The following RASGRP3 variants were observed in gnomAD, a reference collection of about 807,000 sequenced individuals.
The protein encoded by RASGRP3 is ras guanyl-releasing protein 3.
RASGRP3 carries 54 observed loss-of-function variants against 82.7 expected under a neutral mutation model. The ratio of observed to expected loss-of-function variants is 0.65; its 90% confidence interval spans 0.52 to 0.82. RASGRP3 has a LOEUF of 0.82. Ranked by LOEUF, RASGRP3 falls within the 40% of genes least tolerant of loss-of-function variation. RASGRP3 has a pLI of 0.00. For missense variants in RASGRP3, 861 were observed against 828.9 expected (o/e 1.04, Z -0.48); for synonymous variants, 309 against 300.5 (o/e 1.03, Z -0.29).
At chr2:33,504,416 A>G (rs1375883137) in intron 1 of RASGRP3, among the ~76,000 whole-genome samples, 1 of 152,176 alleles carries the variant, frequency 6.6e-6, no homozygotes, top group East Asian at 1.9e-4. Flanking sequence ...GCTGTTGAGA[A>G]TGGGCTCTCT....
chr2:33,557,247 T>C (rs1249914585), intron 15 of RASGRP3, among the ~76,000 whole-genome samples: 2 of 152,226 alleles, frequency 1.3e-5, no homozygotes, highest in East Asian at 1.9e-4. Flanking sequence ...TCTACTGTCT[T>C]ATCTAAAACA....
At chr2:33,534,881 G>A (rs1673455018) in intron 11 of RASGRP3, among the ~76,000 whole-genome samples, 1 of 151,936 alleles carries the variant, frequency 6.6e-6, no homozygotes, top group East Asian at 1.9e-4. Flanking sequence ...AGCCCTGTCA[G>A]TTTGAGAATT....
chr2:33,548,127 C>T (rs1674983572), intron 13 of RASGRP3, among the ~76,000 whole-genome samples: 2 of 151,794 alleles, frequency 1.3e-5, no homozygotes, highest in African/African-American at 4.8e-5. Context: ...TTTGGGAGGC[C>T]GAGGCGGGCG....
intron 15 of RASGRP3, among the ~76,000 whole-genome samples, chr2:33,557,907 A>C (rs1383955703): frequency 6.6e-6 from 1 of 152,094 alleles, no homozygotes; most frequent in Non-Finnish European, 1.5e-5. Flanking sequence ...TTTTGGGCAA[A>C]GGCAACTGAC....
At chr2:33,525,553 CA>C (rs1672461894) in intron 9 of RASGRP3, among the ~76,000 whole-genome samples, 1 of 151,676 alleles carries the variant, frequency 6.6e-6, no homozygotes, top group Non-Finnish European at 1.5e-5. Context: ...ACTTCTACAG[CA>C]ATTAAACAAT....
At chr2:33,552,178 G>A (rs770750327) in intron 14 of RASGRP3, among the ~76,000 whole-genome samples, 2 of 152,176 alleles carry the variant, frequency 1.3e-5, no homozygotes, top group Non-Finnish European at 1.5e-5. Flanking sequence ...AGACCTGCTG[G>A]TGCTACATTC....
intron 2 of RASGRP3, among the ~76,000 whole-genome samples, chr2:33,512,977 A>G (rs75243551): frequency 0.047 from 7,122 of 152,300 alleles, 554 homozygotes; most frequent in African/African-American, 0.16. Flanking sequence ...GCAGTAGGAC[A>G]TGCCAAGTGA....
At chr2:33,523,692 G>A (rs1672250241) in intron 7 of RASGRP3, among the ~76,000 whole-genome samples, 187 bp from the exon 8 acceptor site, 2 of 152,072 alleles carry the variant, frequency 1.3e-5, no homozygotes, top group South Asian at 4.1e-4. Flanking sequence ...AGTGGGGTTT[G>A]AAAAGCAGCA....
intron 2 of RASGRP3, among the ~76,000 whole-genome samples, chr2:33,469,662 T>C (rs1666941252): frequency 6.6e-6 from 1 of 152,124 alleles, no homozygotes; most frequent in Non-Finnish European, 1.5e-5. Flanking sequence ...GGTTTCACCA[T>C]GTTGCCCAGG....
At position 33,558,701 on chromosome 2, in the gene RASGRP3, G is replaced by A. The variant is rs1456144494; in HGVS notation, c.1735G>A (p.Val579Ile). 1.2e-6 allele frequency: 2 copies of A among 1,609,924 alleles called. No homozygotes were observed. Among genetic ancestry groups the A allele is most frequent in the Non-Finnish European group, 1.7e-6 (2 of 1,178,324 alleles). Residue 579 changes from valine (V) to isoleucine (I), a missense_variant, in exon 17 of 18, where the codon GTC (valine) becomes ATC (isoleucine). Transcript: ENST00000403687. ...AQDEVFEFPG[V>I]TAGHRDLDSR... ...GGATGAGGTGTTTGAGTTCCCTGGA[G>A]TCACTGCTGGACACAGGGATTTAGA... is the stretch of plus-strand genomic sequence containing the variant.
intron 1 of RASGRP3, among the ~76,000 whole-genome samples, chr2:33,437,561 C>T (rs535112285): frequency 1.4e-3 from 218 of 152,162 alleles, no homozygotes; most frequent in Non-Finnish European, 2.6e-3. Flanking sequence ...TTCTTTTGCC[C>T]TATCCCTGTT....
chr2:33,510,645 G>C (rs1424678042), intron 1 of RASGRP3, among the ~76,000 whole-genome samples: 1 of 152,188 alleles, frequency 6.6e-6, no homozygotes, highest in Non-Finnish European at 1.5e-5. Context: ...GGAAGAAGTA[G>C]TGCAGGTAAA....
intron 2 of RASGRP3, among the ~76,000 whole-genome samples, chr2:33,451,318 A>G (rs1286950635): frequency 6.6e-6 from 1 of 152,186 alleles, no homozygotes; most frequent in Non-Finnish European, 1.5e-5. Context: ...GTCCCTTATC[A>G]GATATAATAC....
At chr2:33,548,060 G>T (rs547118963) in intron 13 of RASGRP3, among the ~76,000 whole-genome samples, 4 of 152,140 alleles carry the variant, frequency 2.6e-5, no homozygotes, top group Non-Finnish European at 5.9e-5. Flanking sequence ...AAAACTTCGG[G>T]AGTAAAAGAA....
At chr2:33,513,505 C>A (rs1671133135) in intron 2 of RASGRP3, among the ~76,000 whole-genome samples, 1 of 152,110 alleles carries the variant, frequency 6.6e-6, no homozygotes, top group African/African-American at 2.4e-5. Flanking sequence ...TCAATGATTG[C>A]CAGTTGAATA....
rs1297563476 is a variant in RASGRP3, at chr2:33,539,090, T to C, written c.1162-4T>C. On this transcript the variant is annotated splice_region_variant and splice_polypyrimidine_tract_variant and intron_variant, in intron 11 of 17. Coordinates refer to ENST00000403687, the MANE Select transcript of RASGRP3 (RefSeq NM_001139488.2). ...AAATATGTGGTTTTTTTTTTGTTTA[T>C]CAGCAGCCTACCTCCCCTACGACGC... 2 of 1,567,202 alleles carry C rather than the reference T, an allele frequency of 1.3e-6. No homozygotes were observed. The highest frequency in any genetic ancestry group is 1.7e-6 in the Non-Finnish European group (2 of 1,155,376).
upstream of RASGRP3, among the ~76,000 whole-genome samples, chr2:33,473,884 G>A (rs1438858315): frequency 6.6e-6 from 1 of 152,220 alleles, no homozygotes; most frequent in African/African-American, 2.4e-5. Flanking sequence ...GACCGGGAAT[G>A]AGGGGATGGA....
rs1670945894 is a variant in RASGRP3 at position 33,511,718 on chromosome 2, A to C, written c.-252A>C. 1 of 152,604 alleles carries C rather than the reference A, an allele frequency of 6.6e-6. No individual in the cohort carries two copies. The highest frequency in any genetic ancestry group is 2.4e-5 in the African/African-American group (1 of 41,440). The allele number at this position is 152,604 out of a possible 1,614,324, so 9.5% of individuals were successfully genotyped here. On this transcript the variant is annotated 5_prime_UTR_variant, in exon 2 of 18. Transcript: ENST00000403687. ...TTCTGTTCTTTTGTCAGGTTCTCCA[A>C]AATACTTATCATTCAGGTTGAATAA...
intron 2 of RASGRP3, among the ~76,000 whole-genome samples, chr2:33,463,216 C>T (rs1222016850): frequency 6.6e-6 from 1 of 152,164 alleles, no homozygotes; most frequent in Non-Finnish European, 1.5e-5. Context: ...AATTTTCCTT[C>T]TCAGGTTTTA....
Sources: allele counts gnomAD v4.1 joint callset (sites outside exome capture counted in the v4.1 genomes callset), GRCh38; gene constraint gnomAD v4.1.1; transcripts MANE v1.5; gene names NCBI Gene and HGNC (gene_info 2026-07-23, HGNC 2026-07-21).